The following DPP6 variants were observed in gnomAD, a reference collection of about 807,000 sequenced individuals.
The protein encoded by DPP6 is A-type potassium channel modulatory protein DPP6.
DPP6 carries 69 observed loss-of-function variants against 122.6 expected under a neutral mutation model. The ratio of observed to expected loss-of-function variants is 0.56; its 90% CI spans 0.46 to 0.69. The LOEUF (loss-of-function observed/expected upper bound fraction) is 0.69, where lower values mean the gene tolerates loss of function less well. DPP6 is among the 30% of genes least tolerant of loss of function. The pLI is 0.00. For missense variants in DPP6, 928 were observed against 1,116.9 expected, an observed-to-expected ratio of 0.83 and a Z score of 2.41; for synonymous variants, 418 against 433.1, an observed-to-expected ratio of 0.97 and a Z score of 0.43.
chr7:154,805,876 C>A (rs942980374), intron 15 of DPP6, among the ~76,000 whole-genome samples: 1 of 152,202 alleles, frequency 6.6e-6, no homozygotes, highest in South Asian at 2.1e-4. Flanking sequence ...CCAGTTACAC[C>A]TAAAGGCACC....
the DPP6 span, among the ~76,000 whole-genome samples, chr7:153,786,717 C>T: frequency 9.1e-5 from 11 of 120,882 alleles, no homozygotes; most frequent in East Asian, 5.3e-4. Flanking sequence ...CCAGCCTGGG[C>T]GACAGAGCGA....
At chr7:153,874,254 A>G in the DPP6 span, among the ~76,000 whole-genome samples, 4 of 139,096 alleles carry the variant, frequency 2.9e-5, no homozygotes, top group Admixed American at 6.9e-5. Context: ...GCGCACATGC[A>G]CACACACACA....
At chr7:154,382,411 G>C (rs1813706245) in intron 1 of DPP6, among the ~76,000 whole-genome samples, 1 of 152,192 alleles carries the variant, frequency 6.6e-6, no homozygotes, top group Admixed American at 6.5e-5. Flanking sequence ...GCAAACTTTA[G>C]AACTTGTTGT....
In DPP6 at chr7:154,155,709, A is replaced by T. The variant is rs1403851265; in HGVS notation, c.243+102646A>T. On this transcript the variant is annotated intron_variant, in intron 1 of 25. Coordinates refer to ENST00000377770, the MANE Select transcript of DPP6 (RefSeq NM_130797.4). ...ATAAACTTCCATTTATATGCCAGGA[A>T]CCTATAAGTTTCAGAATGTGTCTGA... 1.3e-5 allele frequency among the ~76,000 whole-genome samples: 2 copies of T among 152,150 alleles called. 1 individual carries two copies. Among genetic ancestry groups the T allele is most frequent in the East Asian group, 3.9e-4 (2 of 5,188 alleles).
intron 6 of DPP6, among the ~76,000 whole-genome samples, chr7:154,669,130 G>T (rs1037908489): frequency 4.6e-5 from 7 of 152,146 alleles, no homozygotes; most frequent in Non-Finnish European, 1.0e-4. Flanking sequence ...TACTATTTGG[G>T]TTAAGCAATG....
intron 1 of DPP6, among the ~76,000 whole-genome samples, chr7:154,001,462 G>A (rs1364590127): frequency 1.4e-5 from 2 of 147,646 alleles, no homozygotes; most frequent in South Asian, 2.2e-4. Context: ...CCATGGCAGC[G>A]GGTTGGCTCT....
intron 1 of DPP6, among the ~76,000 whole-genome samples, chr7:154,277,987 A>G (rs901551228): frequency 2.5e-4 from 38 of 152,304 alleles, no homozygotes; most frequent in African/African-American, 8.7e-4. Flanking sequence ...GGCTTTGCCC[A>G]CACTCAAGTG....
chr7:154,425,039 A>G (rs778610073), intron 1 of DPP6, among the ~76,000 whole-genome samples: 8 of 152,216 alleles, frequency 5.3e-5, no homozygotes, highest in Admixed American at 5.2e-4. Context: ...TCTTCATTAT[A>G]TAATTAAATG....
At chr7:154,772,579 T>G (rs190928921) in intron 9 of DPP6, among the ~76,000 whole-genome samples, 1 of 152,258 alleles carries the variant, frequency 6.6e-6, no homozygotes, top group East Asian at 1.9e-4. Flanking sequence ...GGCTCAGTAC[T>G]CACTTGACAT....
intron 10 of DPP6, among the ~76,000 whole-genome samples, chr7:154,777,170 G>C (rs1317387964): frequency 6.6e-6 from 1 of 152,158 alleles, no homozygotes; most frequent in Admixed American, 6.5e-5. Context: ...AAGACGTGTG[G>C]CCTCTCCTAA....
chr7:154,591,999 G>A (rs1832832263), intron 5 of DPP6, among the ~76,000 whole-genome samples: 1 of 152,230 alleles, frequency 6.6e-6, no homozygotes, highest in Non-Finnish European at 1.5e-5. Flanking sequence ...GGCGGCTACT[G>A]CAGTGGTGCC....
chr7:154,072,855 CACTT>C (rs1444528763), intron 1 of DPP6, among the ~76,000 whole-genome samples: 3 of 152,296 alleles, frequency 2.0e-5, no homozygotes, highest in Admixed American at 2.0e-4. Flanking sequence ...CACAGGCCCT[CACTT>C]AATGTGGTTT....
chr7:153,954,416 G>A (rs180933524), intron 1 of DPP6, among the ~76,000 whole-genome samples: 2 of 152,234 alleles, frequency 1.3e-5, no homozygotes, highest in East Asian at 3.9e-4. Context: ...ACATTTGAAG[G>A]ACTCTAAGCT....
At chr7:154,106,867 T>C (rs4067488) in intron 1 of DPP6, among the ~76,000 whole-genome samples, 77 of 152,226 alleles carry the variant, frequency 5.1e-4, no homozygotes, top group Admixed American at 3.9e-3. Flanking sequence ...GCACTGACGC[T>C]GAGTGCTTTC....
intron 1 of DPP6, among the ~76,000 whole-genome samples, chr7:154,063,014 G>T (rs1358733352): frequency 1.5e-5 from 2 of 135,340 alleles, no homozygotes; most frequent in Admixed American, 7.6e-5. Flanking sequence ...TCCCCCCCTG[G>T]CTCTGAGGAA....
chr7:153,855,247 AGAAATAAT>A, the DPP6 span, among the ~76,000 whole-genome samples: 1 of 100,402 alleles, frequency 1.0e-5, no homozygotes, highest in African/African-American at 3.4e-5. Context: ...ATAAAAAAAA[AGAAATAAT>A]AAAAATAATA....
At chr7:154,328,578 T>G (rs1808645966) in intron 1 of DPP6, among the ~76,000 whole-genome samples, 1 of 152,210 alleles carries the variant, frequency 6.6e-6, no homozygotes, top group Non-Finnish European at 1.5e-5. Flanking sequence ...GGGGAAGCTT[T>G]GAGAATCCTA....
intron 1 of DPP6, among the ~76,000 whole-genome samples, chr7:154,033,014 C>T (rs1480308271): frequency 1.3e-5 from 2 of 152,118 alleles, no homozygotes; most frequent in East Asian, 3.9e-4. Context: ...GCTTTATACA[C>T]CTGTAGCTCT....
intron 1 of DPP6, among the ~76,000 whole-genome samples, chr7:154,364,834 G>GAT (rs1812019828): frequency 6.6e-6 from 1 of 152,132 alleles, no homozygotes; most frequent in Admixed American, 6.5e-5. Context: ...CATCGGAACC[G>GAT]GCACAGTAGT....
Sources: allele counts gnomAD v4.1 joint callset (sites outside exome capture counted in the v4.1 genomes callset), GRCh38; gene constraint gnomAD v4.1.1; transcripts MANE v1.5; gene names NCBI Gene and HGNC (gene_info 2026-07-23, HGNC 2026-07-21).